NTNG1: variants seen among roughly 807,000 people sequenced by gnomAD.
The protein encoded by NTNG1 is netrin G1.
In NTNG1, 16 loss-of-function variants were observed where a neutral mutation model predicts 54.0. The observed-to-expected ratio is 0.30, with a 90% CI of 0.20 to 0.45. The LOEUF (loss-of-function observed/expected upper bound fraction) is 0.45, where lower values mean the gene tolerates loss of function less well. Among genes scored for constraint, NTNG1 ranks in the 20% least tolerant of loss-of-function variants. The pLI is 1.00. For missense variants in NTNG1, 530 were observed against 678.7 expected (o/e 0.78, Z 2.43); for synonymous variants, 255 against 263.1 (o/e 0.97, Z 0.30).
chr1:107,321,382 A>G (rs1667653495), intron 2 of NTNG1, among the ~76,000 whole-genome samples: 1 of 152,062 alleles, frequency 6.6e-6, no homozygotes, highest in Non-Finnish European at 1.5e-5. Flanking sequence ...AGAACTTGAT[A>G]CAAATGTAGA....
At chr1:107,378,367 C>T (rs571668289) in intron 3 of NTNG1, among the ~76,000 whole-genome samples, 2 of 152,130 alleles carry the variant, frequency 1.3e-5, no homozygotes, top group Non-Finnish European at 2.9e-5. Flanking sequence ...TGATTGCTTT[C>T]GGCAGGGAAA....
chr1:107,341,969 A>G (rs931321115), intron 3 of NTNG1, among the ~76,000 whole-genome samples: 5 of 152,064 alleles, frequency 3.3e-5, no homozygotes, highest in Non-Finnish European at 7.4e-5. Flanking sequence ...GAAAAGGAAA[A>G]AAATATGTGA....
intron 4 of NTNG1, among the ~76,000 whole-genome samples, chr1:107,401,540 C>G (rs927232751): frequency 6.6e-6 from 1 of 152,048 alleles, no homozygotes; most frequent in Non-Finnish European, 1.5e-5. Context: ...GTTTCTACAG[C>G]AAACATGATT....
chr1:107,340,716 A>T (rs1668852690), intron 3 of NTNG1, among the ~76,000 whole-genome samples: 2 of 151,976 alleles, frequency 1.3e-5, no homozygotes, highest in Admixed American at 1.3e-4. Flanking sequence ...TTGTTAATGA[A>T]CTCTGGTTTA....
intron 2 of NTNG1, among the ~76,000 whole-genome samples, chr1:107,250,570 T>A (rs200198410): frequency 6.6e-6 from 1 of 151,330 alleles, no homozygotes; most frequent in Non-Finnish European, 1.5e-5. Flanking sequence ...AATTAAAAAA[T>A]AAAAAAAATA....
intron 2 of NTNG1, among the ~76,000 whole-genome samples, chr1:107,188,906 G>A (rs1011314231): frequency 6.6e-6 from 1 of 152,016 alleles, no homozygotes; most frequent in Non-Finnish European, 1.5e-5. Flanking sequence ...AATTTAAAAT[G>A]GTCCTTCCTG....
At chr1:107,250,748 G>T (rs1289181336) in intron 2 of NTNG1, among the ~76,000 whole-genome samples, 1 of 152,090 alleles carries the variant, frequency 6.6e-6, no homozygotes, top group Non-Finnish European at 1.5e-5. Flanking sequence ...GTCATTGGAA[G>T]TGAGCTGCTC....
At chr1:107,327,497 A>G (rs1668031434) in intron 3 of NTNG1, among the ~76,000 whole-genome samples, 1 of 152,140 alleles carries the variant, frequency 6.6e-6, no homozygotes, top group Admixed American at 6.6e-5. Context: ...CTATAGAAGG[A>G]TTAAATATTA....
chr1:107,305,071 T>C (rs919050367), intron 2 of NTNG1, among the ~76,000 whole-genome samples: 1 of 152,118 alleles, frequency 6.6e-6, no homozygotes, highest in African/African-American at 2.4e-5. Context: ...TGAATTTATC[T>C]TTTTTTATGG....
chr1:107,384,337 A>AT (rs1671830583), intron 3 of NTNG1, among the ~76,000 whole-genome samples: 2 of 152,126 alleles, frequency 1.3e-5, no homozygotes, highest in African/African-American at 4.8e-5. Context: ...ATTTTAGATA[A>AT]TTTTTTTAAA....
intron 7 of NTNG1, among the ~76,000 whole-genome samples, chr1:107,465,379 T>C (rs140743346): frequency 1.1e-3 from 164 of 152,320 alleles, no homozygotes; most frequent in African/African-American, 3.6e-3. Context: ...GTGTGGACAA[T>C]GAGAGGAGGT....
At chr1:107,269,825 C>T (rs1664024233) in intron 2 of NTNG1, among the ~76,000 whole-genome samples, 1 of 152,176 alleles carries the variant, frequency 6.6e-6, no homozygotes, top group South Asian at 2.1e-4. Flanking sequence ...TTTCTTTTCA[C>T]GTTCAGACTT....
rs570105815 is a variant in NTNG1, at chr1:107,443,530, G to T, written c.1390+6731G>T. Among the ~76,000 whole-genome samples, 264 of 152,068 alleles carry T rather than the reference G, an allele frequency of 1.7e-3. 2 individuals are homozygous for T. The highest frequency in any genetic ancestry group is 6.2e-3 in the African/African-American group (257 of 41,522). On this transcript the variant is annotated intron_variant, in intron 7 of 7. Transcript: ENST00000370068. ...ATACCTCCCTGGACAAATATCTTGC[G>T]CCTAACTTGTAATTTTTCAATGTTT...
intron 4 of NTNG1, among the ~76,000 whole-genome samples, chr1:107,406,759 A>G (rs1030728303): frequency 3.9e-5 from 6 of 152,276 alleles, no homozygotes; most frequent in Admixed American, 1.3e-4. Context: ...ATTTACATCT[A>G]TCAGTTTATA....
At chr1:107,300,985 C>A (rs1480054463) in intron 2 of NTNG1, among the ~76,000 whole-genome samples, 1 of 151,538 alleles carries the variant, frequency 6.6e-6, no homozygotes, top group Non-Finnish European at 1.5e-5. Flanking sequence ...TTCCTTTTTT[C>A]TTTTTTTCTA....
At chr1:107,199,385 C>T (rs373822502) in intron 2 of NTNG1, among the ~76,000 whole-genome samples, 3 of 151,788 alleles carry the variant, frequency 2.0e-5, no homozygotes, top group African/African-American at 7.2e-5. Flanking sequence ...TGAAGCACAA[C>T]CTTAGCTCAC....
At chr1:107,465,906 G>T (rs1468007381) in intron 7 of NTNG1, among the ~76,000 whole-genome samples, 1 of 152,114 alleles carries the variant, frequency 6.6e-6, no homozygotes, top group Admixed American at 6.6e-5. Context: ...AATGTTTCTG[G>T]CCTTTTAATT....
intron 2 of NTNG1, among the ~76,000 whole-genome samples, chr1:107,215,090 C>T (rs1014659546): frequency 2.6e-5 from 4 of 152,014 alleles, no homozygotes; most frequent in Non-Finnish European, 4.4e-5. Context: ...TGTCTGTTTA[C>T]TCTGATGATT....
chr1:107,244,259 A>C (rs1662036749), intron 2 of NTNG1, among the ~76,000 whole-genome samples: 1 of 152,248 alleles, frequency 6.6e-6, no homozygotes, highest in Non-Finnish European at 1.5e-5. Flanking sequence ...AGTACTAATA[A>C]AATAGATACA....
Sources: allele counts gnomAD v4.1 joint callset (sites outside exome capture counted in the v4.1 genomes callset), GRCh38; gene constraint gnomAD v4.1.1; transcripts MANE v1.5; gene names NCBI Gene and HGNC (gene_info 2026-07-23, HGNC 2026-07-21).